Variants in DIP2C observed in about 807,000 individuals in gnomAD.
DIP2C encodes the protein disco-interacting protein 2 homolog C.
Under a neutral mutation model 192.4 loss-of-function variants are expected in DIP2C, and 33 were observed. The observed-to-expected ratio is 0.17, with a 90% CI of 0.13 to 0.23. DIP2C has a LOEUF of 0.23. Among genes scored for constraint, DIP2C ranks in the 10% least tolerant of loss-of-function variants. The pLI is 1.00. For synonymous variants in DIP2C, 979 were observed against 864.1 expected, an observed-to-expected ratio of 1.13 and a Z score of -2.33; for missense variants, 1,537 against 2,110.1, an observed-to-expected ratio of 0.73 and a Z score of 5.32.
At chr10:398,984 A>G (rs1964201901) in intron 10 of DIP2C, 125 bp downstream of exon 10, 2 of 759,504 alleles carry the variant, frequency 2.6e-6, no homozygotes, top group African/African-American at 3.5e-5. Context: ...CGCATCCCTT[A>G]TCGAGGCAAC....
intron 4 of DIP2C, among the ~76,000 whole-genome samples, chr10:436,317 C>T (rs568396207): frequency 6.6e-6 from 1 of 152,374 alleles, no homozygotes; most frequent in African/African-American, 2.4e-5. Flanking sequence ...TCTTCGGAAG[C>T]TTTCCAGCTC....
At chr10:469,999 G>T (rs887477461) in intron 3 of DIP2C, among the ~76,000 whole-genome samples, 1 of 152,180 alleles carries the variant, frequency 6.6e-6, no homozygotes, top group African/African-American at 2.4e-5. Context: ...GTGAGAGGTG[G>T]GGAGGTGGAT....
intron 31 of DIP2C, among the ~76,000 whole-genome samples, chr10:317,109 G>A (rs548485966): frequency 6.6e-6 from 1 of 152,278 alleles, no homozygotes; most frequent in South Asian, 2.1e-4. Context: ...AAATCACATT[G>A]AGCTTGTTTC....
At chr10:551,992 C>A (rs1356257407) in intron 1 of DIP2C, among the ~76,000 whole-genome samples, 1 of 152,218 alleles carries the variant, frequency 6.6e-6, no homozygotes, top group African/African-American at 2.4e-5. Flanking sequence ...CACATGCAGG[C>A]ATCAAAGGGA....
intron 10 of DIP2C, among the ~76,000 whole-genome samples, chr10:396,226 T>C (rs1038903220): frequency 3.3e-5 from 5 of 152,226 alleles, no homozygotes; most frequent in Admixed American, 3.3e-4. Context: ...TGTGTTACAG[T>C]GAAACGTTTC....
chr10:438,291 T>A lies in DIP2C; in HGVS notation c.394+2580A>T, dbSNP rs1004777236. 2.6e-5 allele frequency among the ~76,000 whole-genome samples: 4 copies of A among 152,254 alleles called. No individual in the cohort carries two copies. The South Asian group carries it at 8.3e-4, about 31-fold the overall frequency. On this transcript the variant is annotated intron_variant, in intron 4 of 36. Coordinates refer to ENST00000280886, the MANE Select transcript of DIP2C (RefSeq NM_014974.3). ...CACTGCTTCTTCCATTTCAAACTCA[T>A]CGTTTCTCTTATAAAAAGTGGTCAA...
At chr10:375,164 T>G (rs1168878083) in intron 17 of DIP2C, among the ~76,000 whole-genome samples, 1 of 152,246 alleles carries the variant, frequency 6.6e-6, no homozygotes, top group Non-Finnish European at 1.5e-5. Context: ...CGTTGAAATG[T>G]GACGTCCAAC....
intron 35 of DIP2C, among the ~76,000 whole-genome samples, chr10:281,713 C>T (rs757024655): frequency 3.9e-5 from 6 of 152,220 alleles, no homozygotes; most frequent in Non-Finnish European, 7.3e-5. Flanking sequence ...CAAGATCACA[C>T]GGGATACAGT....
At chr10:540,801 T>C (rs1847939480) in intron 1 of DIP2C, among the ~76,000 whole-genome samples, 1 of 152,248 alleles carries the variant, frequency 6.6e-6, no homozygotes, top group Admixed American at 6.5e-5. Flanking sequence ...TTGGAAATCC[T>C]CAGAGCAATC....
intron 1 of DIP2C, among the ~76,000 whole-genome samples, chr10:506,702 C>T (rs772762381): frequency 2.0e-5 from 3 of 152,316 alleles, no homozygotes; most frequent in African/African-American, 4.8e-5. Context: ...AGTGGCCTCC[C>T]GGGACAACAT....
chr10:317,652 C>A (rs1956833012), intron 31 of DIP2C, among the ~76,000 whole-genome samples: 1 of 152,214 alleles, frequency 6.6e-6, no homozygotes, highest in Non-Finnish European at 1.5e-5. Flanking sequence ...GCCAGGCGAA[C>A]ACTTGAAGCT....
intron 1 of DIP2C, among the ~76,000 whole-genome samples, chr10:587,171 T>G (rs111919517): frequency 8.1e-5 from 6 of 73,664 alleles, no homozygotes; most frequent in Non-Finnish European, 1.4e-4. Context: ...CTGCTGACAG[T>G]GTGGCGAGGG....
chr10:485,675 C>CT (rs1843964450), intron 2 of DIP2C, among the ~76,000 whole-genome samples: 1 of 152,194 alleles, frequency 6.6e-6, no homozygotes, highest in African/African-American at 2.4e-5. Context: ...CATGTGCATC[C>CT]TTAAACCTTC....
At chr10:313,047 A>C (rs1420124218) in intron 31 of DIP2C, among the ~76,000 whole-genome samples, 1 of 152,228 alleles carries the variant, frequency 6.6e-6, no homozygotes, top group African/African-American at 2.4e-5. Context: ...GCATTAATAG[A>C]GAAGAATACA....
At position 296,900 on chromosome 10, in the gene DIP2C, AG is replaced by A. The variant is rs551275949; in HGVS notation, c.3987-8480del. Among the ~76,000 whole-genome samples, 39 of 75,200 alleles carry A rather than the reference AG, an allele frequency of 5.2e-4. No homozygotes were observed. The East Asian group carries it at 0.017, about 32-fold the overall frequency. 49.3% of individuals were successfully genotyped at this position (75,200 alleles called of 152,430 possible). The stretch of plus-strand genomic sequence containing the variant: ...CTGAGGCCTGTTGTGGGGTGGGGGG[AG>A]GGGGGAGGGATAGCATTAGGAGATA... On this transcript the variant is annotated intron_variant, in intron 32 of 36. Transcript: ENST00000280886.
chr10:594,840 CT>C (rs1274512299), intron 1 of DIP2C, among the ~76,000 whole-genome samples: 1 of 152,218 alleles, frequency 6.6e-6, no homozygotes, highest in Non-Finnish European at 1.5e-5. Context: ...CGACCTGCTG[CT>C]GTGGACACTG....
chr10:347,247 C>G (rs1179752924), intron 26 of DIP2C, among the ~76,000 whole-genome samples: 8 of 115,208 alleles, frequency 6.9e-5, no homozygotes, highest in Non-Finnish European at 1.0e-4. Flanking sequence ...TCCCGGAAAC[C>G]CCACACGCAC....
At chr10:279,186 C>T (rs61837284) in intron 36 of DIP2C, among the ~76,000 whole-genome samples, 39,585 of 151,928 alleles carry the variant, frequency 0.26, 6,434 homozygotes, top group Non-Finnish European at 0.37. Context: ...TCCCAGAGGA[C>T]GTGCTGGCGC....
chr10:325,918 ACGT>A (rs1263928147), intron 31 of DIP2C, among the ~76,000 whole-genome samples: 3 of 152,192 alleles, frequency 2.0e-5, no homozygotes, highest in Admixed American at 2.0e-4. Context: ...GCAGTGGCTC[ACGT>A]CTGTAATCCC....
Sources: allele counts gnomAD v4.1 joint callset (sites outside exome capture counted in the v4.1 genomes callset), GRCh38; gene constraint gnomAD v4.1.1; transcripts MANE v1.5; gene names NCBI Gene and HGNC (gene_info 2026-07-23, HGNC 2026-07-21).